Variants in AGBL1 observed in about 807,000 individuals in gnomAD.
AGBL1 encodes AGBL carboxypeptidase 1.
In AGBL1, 130 loss-of-function variants were observed where a neutral mutation model predicts 118.9. The observed-to-expected ratio is 1.09, with a 90% CI of 0.95 to 1.26. The LOEUF (loss-of-function observed/expected upper bound fraction) is 1.26, where lower values mean the gene tolerates loss of function less well. AGBL1 is among the 50% of genes most tolerant of loss of function. The probability of loss-of-function intolerance (pLI) is 0.00; values close to 1 mark genes in which losing one functional copy is unlikely to be tolerated. For missense variants in AGBL1, 1,584 were observed against 1,298.1 expected, an observed-to-expected ratio of 1.22 and a Z score of -3.38; for synonymous variants, 555 against 478.9, an observed-to-expected ratio of 1.16 and a Z score of -2.08.
intron 16 of AGBL1, among the ~76,000 whole-genome samples, chr15:86,290,061 G>C (rs892406217): frequency 6.6e-6 from 1 of 152,058 alleles, no homozygotes; most frequent in Non-Finnish European, 1.5e-5. Context: ...TTACTATATC[G>C]ATGTAAGTTG....
rs570867248 is a variant in AGBL1, at chr15:86,391,138, T to C, written c.2375-6228T>C. On this transcript the variant is annotated intron_variant, in intron 17 of 22. Coordinates refer to ENST00000614907, the MANE Select transcript of AGBL1 (RefSeq NM_001386094.1). ...ACAATAATAATTTTATCATGATCATTTGATTTTACAACACTGTATACATGT... is the reference window on the plus strand; with the variant it reads ...ACAATAATAATTTTATCATGATCATCTGATTTTACAACACTGTATACATGT... 4.6e-5 allele frequency among the ~76,000 whole-genome samples: 7 copies of C among 152,230 alleles called. No individual in the cohort carries two copies. In the South Asian group the frequency reaches 1.5e-3, roughly 32 times the overall value.
In AGBL1 at chr15:86,533,377, G is replaced by A. The variant is rs2083377246; in HGVS notation, c.2685+10438G>A. ...CATGAAAAAATGCTCATCATCACTG[G>A]CCATCAGAGAAATGCAAATCAAAAC... On this transcript the variant is annotated intron_variant, in intron 19 of 22. Transcript: ENST00000614907. Among the ~76,000 whole-genome samples the A allele has an allele frequency of 1.6e-5, 2 of 122,206 alleles. 1 individual carries two copies. Among genetic ancestry groups the A allele is most frequent in the South Asian group, 5.7e-4 (2 of 3,524 alleles). The allele number at this position is 122,206 out of a possible 152,430, so 80.2% of individuals were successfully genotyped here.
At chr15:86,861,223 A>G (rs1024071976) in intron 22 of AGBL1, among the ~76,000 whole-genome samples, 1 of 152,164 alleles carries the variant, frequency 6.6e-6, no homozygotes, top group Non-Finnish European at 1.5e-5. Context: ...TGATGCACCA[A>G]CCATAGGCAA....
chr15:87,025,011 A>G (rs1206410948), intron 24 of AGBL1, among the ~76,000 whole-genome samples: 1 of 152,072 alleles, frequency 6.6e-6, no homozygotes, highest in Non-Finnish European at 1.5e-5. Context: ...TGACAAACCC[A>G]CAGCCAATAT....
chr15:86,604,440 T>C (rs912750209), intron 21 of AGBL1, among the ~76,000 whole-genome samples: 4 of 152,212 alleles, frequency 2.6e-5, no homozygotes, highest in South Asian at 4.1e-4. Flanking sequence ...CATCTAATCA[T>C]GAACAGAGCT....
intron 18 of AGBL1, among the ~76,000 whole-genome samples, chr15:86,494,823 GTTTGT>G (rs2082827172): frequency 6.6e-6 from 1 of 152,088 alleles, no homozygotes; most frequent in African/African-American, 2.4e-5. Context: ...TTACTCATGT[GTTTGT>G]TTTGTTTTAT....
chr15:86,551,464 A>T (rs988778516), intron 20 of AGBL1, among the ~76,000 whole-genome samples: 2 of 152,192 alleles, frequency 1.3e-5, no homozygotes, highest in Admixed American at 6.5e-5. Context: ...CCAACAAGTG[A>T]ATACATTCTT....
At chr15:86,796,828 G>A (rs1349655) in intron 22 of AGBL1, among the ~76,000 whole-genome samples, 57,347 of 152,078 alleles carry the variant, frequency 0.38, 12,537 homozygotes, top group Non-Finnish European at 0.52. Flanking sequence ...CTCTTTATAT[G>A]AAAATGTTTT....
rs376223961 is a variant in AGBL1 at position 86,374,958 on chromosome 15, A to T, written c.2375-22408A>T. Reference sequence around the variant, plus strand: ...GTCAAAACAACCACAGTGCTTAGTCAATGATGGATACATAGTAAATGTGTC... The same window carrying T: ...GTCAAAACAACCACAGTGCTTAGTCTATGATGGATACATAGTAAATGTGTC... On this transcript the variant is annotated intron_variant, in intron 17 of 22. Coordinates refer to ENST00000614907, the MANE Select transcript of AGBL1 (RefSeq NM_001386094.1). Among the ~76,000 whole-genome samples, 217 of 152,340 alleles carry T rather than the reference A, an allele frequency of 1.4e-3. 1 individual carries two copies. Among genetic ancestry groups the T allele is most frequent in the African/African-American group, 5.1e-3 (211 of 41,570 alleles).
intron 22 of AGBL1, among the ~76,000 whole-genome samples, chr15:86,697,523 C>G (rs955489967): frequency 7.1e-6 from 1 of 141,204 alleles, no homozygotes; most frequent in Non-Finnish European, 1.5e-5. Context: ...TTTTAATTTT[C>G]TTAAGTTGGA....
chr15:86,537,366 G>A (rs1039323530), intron 19 of AGBL1, among the ~76,000 whole-genome samples: 1 of 152,252 alleles, frequency 6.6e-6, no homozygotes, highest in Non-Finnish European at 1.5e-5. Flanking sequence ...GAGCGAGACA[G>A]ATGGCAAAGG....
intron 19 of AGBL1, among the ~76,000 whole-genome samples, chr15:86,538,295 A>G (rs2083452461): frequency 6.6e-6 from 1 of 152,192 alleles, no homozygotes; most frequent in Admixed American, 6.5e-5. Context: ...AGAGCATAAA[A>G]TCCCTTTCAG....
At chr15:86,898,023 C>T (rs1159778978) in intron 22 of AGBL1, among the ~76,000 whole-genome samples, 1 of 151,934 alleles carries the variant, frequency 6.6e-6, no homozygotes, top group African/African-American at 2.4e-5. Context: ...TCTGCCCACC[C>T]ACACCTACCG....
intron 19 of AGBL1, among the ~76,000 whole-genome samples, chr15:86,539,538 A>T (rs1329764564): frequency 6.6e-6 from 1 of 152,196 alleles, no homozygotes; most frequent in South Asian, 2.1e-4. Context: ...CACCTTCAAG[A>T]AAATGTCTCA....
chr15:86,851,296 C>G (rs974507255), intron 22 of AGBL1, among the ~76,000 whole-genome samples: 5 of 152,092 alleles, frequency 3.3e-5, no homozygotes, highest in African/African-American at 7.2e-5. Context: ...GGATTTGGGG[C>G]AGGAACTGAT....
intron 18 of AGBL1, among the ~76,000 whole-genome samples, chr15:86,475,334 T>G (rs1179077520): frequency 6.6e-6 from 1 of 152,150 alleles, no homozygotes; most frequent in African/African-American, 2.4e-5. Context: ...GAAAAAAGAT[T>G]AGAAGAATGG....
chr15:86,300,324 T>A (rs2079726249), intron 17 of AGBL1, among the ~76,000 whole-genome samples: 1 of 152,182 alleles, frequency 6.6e-6, no homozygotes, highest in Non-Finnish European at 1.5e-5. Context: ...GAGCTATATC[T>A]CTGGAAGATG....
At chr15:86,088,858 T>G (rs1895845289) in intron 1 of AGBL1, among the ~76,000 whole-genome samples, 1 of 152,158 alleles carries the variant, frequency 6.6e-6, no homozygotes, top group Non-Finnish European at 1.5e-5. Context: ...CCTCTCTCAT[T>G]TACTTGTCTG....
chr15:86,530,257 G>C (rs1353416410), intron 19 of AGBL1, among the ~76,000 whole-genome samples: 1 of 122,922 alleles, frequency 8.1e-6, no homozygotes, highest in Non-Finnish European at 1.6e-5. Context: ...TAAAAGGATG[G>C]AGGAAGATCT....
Sources: gnomAD v4.1 joint callset for allele counts (sites outside exome capture counted in the v4.1 genomes callset) on GRCh38, gnomAD v4.1.1 for gene constraint, MANE v1.5 for transcripts, NCBI Gene and HGNC (gene_info 2026-07-23, HGNC 2026-07-21) for gene names.